LRP1B: variants seen among roughly 807,000 people sequenced by gnomAD.
LRP1B encodes low-density lipoprotein receptor-related protein 1B.
Under a neutral mutation model 556.6 loss-of-function variants are expected in LRP1B, and 217 were observed. The observed-to-expected ratio is 0.39, with a 90% CI of 0.35 to 0.44. LRP1B has a LOEUF of 0.44. Among genes scored for constraint, LRP1B ranks in the 20% least tolerant of loss-of-function variants. LRP1B has a pLI of 1.00. For missense variants in LRP1B, 5,053 were observed against 5,620.8 expected (o/e 0.90, Z 3.23); for synonymous variants, 2,047 against 1,865.8 (o/e 1.10, Z -2.50).
chr2:141,623,142 T>A (rs902996525), intron 2 of LRP1B, among the ~76,000 whole-genome samples: 1 of 152,158 alleles, frequency 6.6e-6, no homozygotes, highest in Non-Finnish European at 1.5e-5. Flanking sequence ...AGGCACATTT[T>A]AAAATCTGTC....
intron 11 of LRP1B, among the ~76,000 whole-genome samples, chr2:141,037,024 A>C (rs1698553048): frequency 6.6e-6 from 1 of 151,866 alleles, no homozygotes; most frequent in African/African-American, 2.4e-5. Flanking sequence ...GAGAAAAGAG[A>C]ACCTTTTTTT....
At chr2:141,668,603 C>T (rs58328208) in intron 2 of LRP1B, among the ~76,000 whole-genome samples, 19,176 of 152,122 alleles carry the variant, frequency 0.13, 2,045 homozygotes, top group African/African-American at 0.28. Context: ...TCTTCCCACT[C>T]TATCCTCTTT....
intron 18 of LRP1B, among the ~76,000 whole-genome samples, chr2:140,960,631 A>C (rs1696006519): frequency 6.6e-6 from 1 of 151,958 alleles, no homozygotes. Context: ...AGTGTAAGGC[A>C]GTATTACTAA....
At position 141,265,475 on chromosome 2, in the gene LRP1B, A is replaced by G. The variant is rs140458403; in HGVS notation, c.344-10834T>C. On this transcript the variant is annotated intron_variant, in intron 3 of 90. Coordinates refer to ENST00000389484, the MANE Select transcript of LRP1B (RefSeq NM_018557.3). ...TGCGCTAGAACTGTACCCTGCATGC[A>G]TAAGAGCCTTGAGGTCTATGCTGTG... is the stretch of plus-strand genomic sequence containing the variant. 1.7e-3 allele frequency among the ~76,000 whole-genome samples: 264 copies of G among 152,324 alleles called. 2 individuals are homozygous for G. The highest frequency in any genetic ancestry group is 7.0e-3 in the East Asian group (36 of 5,172).
chr2:141,992,094 T>C (rs1359974483), intron 1 of LRP1B, among the ~76,000 whole-genome samples: 5 of 152,156 alleles, frequency 3.3e-5, no homozygotes, highest in Non-Finnish European at 7.4e-5. Flanking sequence ...TCTAGTATAA[T>C]ACCAAATACA....
chr2:140,532,947 T>TATACAC, intron 47 of LRP1B, among the ~76,000 whole-genome samples: 8 of 124,246 alleles, frequency 6.4e-5, no homozygotes, highest in African/African-American at 2.5e-4. Flanking sequence ...TATATATATA[T>TATACAC]ACACATATAT....
chr2:140,323,598 TATA>T (rs1239775449), intron 81 of LRP1B, among the ~76,000 whole-genome samples: 11 of 151,784 alleles, frequency 7.2e-5, no homozygotes, highest in East Asian at 3.9e-4. Flanking sequence ...AAACTTAAAG[TATA>T]ATAATAATAA....
rs945693814 is a variant in LRP1B, at chr2:141,996,686, A to G, written c.82+133962T>C. Among the ~76,000 whole-genome samples the G allele has an allele frequency of 2.7e-5, 4 of 148,806 alleles. No individual in the cohort carries two copies. The East Asian group carries it at 8.0e-4, about 30-fold the overall frequency. On this transcript the variant is annotated intron_variant, in intron 1 of 90. Coordinates refer to ENST00000389484, the MANE Select transcript of LRP1B (RefSeq NM_018557.3). ...ATTTACCTTTATTTAAAATTTTAAAATATTTCCTGTATTTAAATTTTTTCT... is the reference window on the plus strand; with the variant it reads ...ATTTACCTTTATTTAAAATTTTAAAGTATTTCCTGTATTTAAATTTTTTCT...
chr2:142,104,037 T>C (rs535644646), intron 1 of LRP1B, among the ~76,000 whole-genome samples: 45 of 152,246 alleles, frequency 3.0e-4, no homozygotes, highest in Middle Eastern at 3.4e-3. Context: ...TCAAGCAACA[T>C]CTAATGAAGC....
chr2:141,115,683 C>T (rs1271388326), intron 7 of LRP1B, among the ~76,000 whole-genome samples: 2 of 149,936 alleles, frequency 1.3e-5, no homozygotes, highest in South Asian at 2.1e-4. Flanking sequence ...GGGTTTTTGC[C>T]GTGTTAGCCA....
chr2:141,219,641 C>G (rs1283541529), intron 6 of LRP1B, among the ~76,000 whole-genome samples: 2 of 152,104 alleles, frequency 1.3e-5, no homozygotes, highest in Non-Finnish European at 2.9e-5. Context: ...TTGAGACATC[C>G]CAACAAGGGC....
intron 47 of LRP1B, among the ~76,000 whole-genome samples, chr2:140,529,678 A>G (rs1221104404): frequency 6.6e-6 from 1 of 152,056 alleles, no homozygotes; most frequent in Non-Finnish European, 1.5e-5. Context: ...AGGGAGGATC[A>G]GAACTGCTAG....
chr2:142,109,835 C>T (rs771161137), intron 1 of LRP1B, among the ~76,000 whole-genome samples: 8 of 151,946 alleles, frequency 5.3e-5, no homozygotes, highest in Admixed American at 4.6e-4. Context: ...TTTATTTAAA[C>T]GGGAGTTTTT....
intron 2 of LRP1B, among the ~76,000 whole-genome samples, chr2:141,582,912 T>C (rs1010784052): frequency 4.4e-5 from 6 of 136,172 alleles, no homozygotes; most frequent in Non-Finnish European, 1.5e-5. Context: ...CTCGGCTCAC[T>C]GCAACCTCCG....
rs554483693 is a variant in LRP1B at position 140,583,400 on chromosome 2, G to A, written c.7194+15231C>T. On this transcript the variant is annotated intron_variant, in intron 43 of 90. Transcript: ENST00000389484. ...CACGCTGGCCAGGCTTGTCTTGAAC[G>A]CTTGGCTTCAAGTGATCCACTTGCC... Among the ~76,000 whole-genome samples, 16 of 151,778 alleles carry A rather than the reference G, an allele frequency of 1.1e-4. No individual in the cohort carries two copies. The South Asian group carries it at 2.5e-3, about 24-fold the overall frequency.
At chr2:141,086,140 T>C (rs1333597727) in intron 7 of LRP1B, among the ~76,000 whole-genome samples, 1 of 152,238 alleles carries the variant, frequency 6.6e-6, no homozygotes, top group African/African-American at 2.4e-5. Context: ...CTTTCCCTTA[T>C]ATTAGTTAAT....
chr2:141,690,396 A>AATATAT (rs762453747), intron 2 of LRP1B, among the ~76,000 whole-genome samples: 47 of 26,722 alleles, frequency 1.8e-3, no homozygotes, highest in South Asian at 6.1e-3. Flanking sequence ...TACATCTATA[A>AATATAT]ATATATATAT....
At chr2:140,935,327 A>T (rs1695171386) in intron 20 of LRP1B, among the ~76,000 whole-genome samples, 1 of 152,144 alleles carries the variant, frequency 6.6e-6, no homozygotes, top group African/African-American at 2.4e-5. Flanking sequence ...ATATTTTGAT[A>T]TCTTTAAAGA....
At chr2:140,475,407 C>A in intron 59 of LRP1B, 70 bp from the exon 60 acceptor site, 1 of 1,195,204 alleles carries the variant, frequency 8.4e-7, no homozygotes, top group Non-Finnish European at 1.2e-6. Context: ...CAATATATTA[C>A]TTTTTTGCTC....
Sources: allele counts gnomAD v4.1 joint callset (sites outside exome capture counted in the v4.1 genomes callset), GRCh38; gene constraint gnomAD v4.1.1; transcripts MANE v1.5; gene names NCBI Gene and HGNC (gene_info 2026-07-23, HGNC 2026-07-21).